The following PRSS50 variants were observed in gnomAD, a reference collection of about 807,000 sequenced individuals.
PRSS50 encodes serine protease 50.
Under a neutral mutation model 34.2 loss-of-function variants are expected in PRSS50, and 23 were observed. The ratio of observed to expected loss-of-function variants is 0.67; its 90% CI spans 0.48 to 0.95. The LOEUF (loss-of-function observed/expected upper bound fraction) is 0.95, where lower values mean the gene tolerates loss of function less well. Ranked by LOEUF, PRSS50 falls within the 40% of genes least tolerant of loss-of-function variation. The pLI, the probability that PRSS50 is intolerant of heterozygous loss-of-function variation, is 0.00. For missense variants in PRSS50, 484 were observed against 513.4 expected, an observed-to-expected ratio of 0.94 and a Z score of 0.55; for synonymous variants, 224 against 211.2, an observed-to-expected ratio of 1.06 and a Z score of -0.53.
At chr3:46,713,214 A>AG (rs1289911294) in intron 4 of PRSS50, 147 bp from the exon 5 acceptor site, 1 of 1,003,944 alleles carries the variant, frequency 1.0e-6, no homozygotes, top group African/African-American at 1.6e-5. Context: ...ATACCCATCT[A>AG]GGGCCCTCAA....
chr3:46,717,380 C>T lies in PRSS50; in HGVS notation c.307+57G>A. On this transcript the variant is annotated intron_variant, in intron 2 of 5. Coordinates refer to ENST00000315170, the MANE Select transcript of PRSS50 (RefSeq NM_013270.5). The surrounding 1 kb of genome is among the most constrained non-coding windows in gnomAD (Gnocchi z 4.5). ...TGCTCCCCTAGCCCCAGCCAAGGTC[C>T]TTAAGACTCCTCTGTCACCCTCCTT... The T allele has an allele frequency of 6.3e-7, 1 of 1,592,786 alleles. No homozygotes were observed. Among genetic ancestry groups the T allele is most frequent in the Non-Finnish European group, 8.6e-7 (1 of 1,162,754 alleles).
intron 4 of PRSS50, among the ~76,000 whole-genome samples, chr3:46,713,967 T>C (rs1700648248): frequency 6.6e-6 from 1 of 152,156 alleles, no homozygotes; most frequent in East Asian, 1.9e-4. Context: ...AAGTTCTGTT[T>C]ACATGCCCTG....
Position 46,712,846 on chromosome 3 carries a change from G to T in PRSS50, c.921+55C>A, listed in dbSNP as rs1700637261. On this transcript the variant is annotated intron_variant, in intron 5 of 5. Coordinates refer to ENST00000315170, the MANE Select transcript of PRSS50 (RefSeq NM_013270.5). ...TCCACCGTTCCGCTCTCCCTCCCCA[G>T]ATGCCTCTCCCCCAGGTGCCCCTGA... The T allele has an allele frequency of 9.8e-6, 14 of 1,424,672 alleles. No homozygotes were observed. The Admixed American group carries it at 1.6e-4, about 17-fold the overall frequency. 88.3% of individuals were successfully genotyped at this position (1,424,672 alleles called of 1,614,324 possible). A position where few individuals can be genotyped will look rare whatever the true frequency, so the allele number is the denominator to read the frequency against.
chr3:46,715,482 C>A lies in PRSS50; in HGVS notation c.470+53G>T. The A allele has an allele frequency of 6.4e-7, 1 of 1,574,636 alleles. No homozygotes were observed. Among genetic ancestry groups the A allele is most frequent in the South Asian group, 1.2e-5 (1 of 86,748 alleles). On this transcript the variant is annotated intron_variant, in intron 3 of 5. Transcript: ENST00000315170. The surrounding 1 kb of genome is among the most constrained non-coding windows in gnomAD (Gnocchi z 5.2). ...AGCTGGCAGGGAGGGGATGACTGGGCCCACAGCAGCTCCAAATACCTCTCC... is the reference window on the plus strand; with the variant it reads ...AGCTGGCAGGGAGGGGATGACTGGGACCACAGCAGCTCCAAATACCTCTCC...
intron 4 of PRSS50, among the ~76,000 whole-genome samples, chr3:46,713,379 C>A (rs1227712715): frequency 6.6e-6 from 1 of 152,214 alleles, no homozygotes; most frequent in African/African-American, 2.4e-5. Context: ...GCCTGCCAAG[C>A]CTTCCTTCTC....
In PRSS50 at chr3:46,717,855, G is replaced by C. The variant is rs1241408649; in HGVS notation, c.-31C>G. 6.9e-7 allele frequency: 1 copy of C among 1,457,720 alleles called. No individual in the cohort carries two copies. Among genetic ancestry groups the C allele is most frequent in the African/African-American group, 1.4e-5 (1 of 69,684 alleles). 90.3% of individuals were successfully genotyped at this position (1,457,720 alleles called of 1,614,324 possible). A position where few individuals can be genotyped will look rare whatever the true frequency, so the allele number is the denominator to read the frequency against. ...GGTGGCAGCCGACTGCGTCTCTCCG[G>C]AAGGCGCTCCCAGTGCCGCCCCCAC... On this transcript the variant is annotated 5_prime_UTR_variant, in exon 1 of 6. Coordinates refer to ENST00000315170, the MANE Select transcript of PRSS50 (RefSeq NM_013270.5). This position sits in a 1 kb window ranked among gnomAD's most constrained non-coding sequence, Gnocchi z 4.5.
rs1700680585 is a variant in PRSS50, at chr3:46,716,074, G to C, written c.308-377C>G. ...CATGTCCCCTACTTCAGCCAAGGCA[G>C]AGCTCTCTCCCTCCTCTGGGAACCC... On this transcript the variant is annotated intron_variant, in intron 2 of 5. Coordinates refer to ENST00000315170, the MANE Select transcript of PRSS50 (RefSeq NM_013270.5). This position sits in a 1 kb window ranked among gnomAD's most constrained non-coding sequence, Gnocchi z 4.4. 6.6e-6 allele frequency among the ~76,000 whole-genome samples: 1 copy of C among 152,160 alleles called. No individual in the cohort carries two copies. Among genetic ancestry groups the C allele is most frequent in the African/African-American group, 2.4e-5 (1 of 41,428 alleles).
chr3:46,714,128 C>T (rs1700649226), intron 4 of PRSS50, 90 bp downstream of exon 4: 1 of 1,499,836 alleles, frequency 6.7e-7, no homozygotes. Flanking sequence ...GGGAAGGTGC[C>T]TCAGAAACAT....
chr3:46,717,783 G>T lies in PRSS50; in HGVS notation c.42C>A (p.Pro14=). 1 of 1,562,722 alleles carries T rather than the reference G, an allele frequency of 6.4e-7. No homozygotes were observed. The highest frequency in any genetic ancestry group is 8.7e-7 in the Non-Finnish European group (1 of 1,155,368). Reference sequence around the variant, plus strand: ...CGGCGCGGGAGGGGGCAGACGTCCGGGGGCGCTGCCCGCGCGCGACGGTCT... The same window carrying T: ...CGGCGCGGGAGGGGGCAGACGTCCGTGGGCGCTGCCCGCGCGCGACGGTCT... The part of the protein sequence containing the change: ...WCQTVARGQR[P]RTSAPSRAGA... Residue 14 remains proline, a synonymous_variant, in exon 1 of 6, where the codon CCC becomes CCA. Coordinates refer to ENST00000315170, the MANE Select transcript of PRSS50 (RefSeq NM_013270.5). This position sits in a 1 kb window ranked among gnomAD's most constrained non-coding sequence, Gnocchi z 4.5.
At position 46,712,964 on chromosome 3, in the gene PRSS50, C is replaced by CCCATCA. The variant is rs1700638731; in HGVS notation, c.857_858insTGATGG (p.Leu286_Val287insAspGly). 2.5e-6 allele frequency: 4 copies of CCCATCA among 1,614,140 alleles called. No individual in the cohort carries two copies. The South Asian group carries it at 4.4e-5, about 18-fold the overall frequency. ...TCATCTGGGACTTGATGATCTGAAC[C>CCCATCA]AGAGTGGGGATTTTGGTGAAGTTGT... On this transcript the variant is annotated inframe_insertion, in exon 5 of 6. Transcript: ENST00000315170.
chr3:46,717,825 C>A lies in PRSS50; in HGVS notation c.-1G>T, dbSNP rs1366029835. ...CGACGGTCTGGCACCAGCGACCCATCCCGGGGTGGCAGCCGACTGCGTCTC... is the reference window on the plus strand; with the variant it reads ...CGACGGTCTGGCACCAGCGACCCATACCGGGGTGGCAGCCGACTGCGTCTC... On this transcript the variant is annotated 5_prime_UTR_variant, in exon 1 of 6. Coordinates refer to ENST00000315170, the MANE Select transcript of PRSS50 (RefSeq NM_013270.5). This position sits in a 1 kb window ranked among gnomAD's most constrained non-coding sequence, Gnocchi z 4.5. 6 of 1,500,726 alleles carry A rather than the reference C, an allele frequency of 4.0e-6. No homozygotes were observed. The highest frequency in any genetic ancestry group is 5.3e-6 in the Non-Finnish European group (6 of 1,126,922). 93.0% of individuals were successfully genotyped at this position (1,500,726 alleles called of 1,614,324 possible).
rs1473395062 is a variant in PRSS50 at position 46,712,775 on chromosome 3, C to G, written c.921+126G>C. On this transcript the variant is annotated intron_variant, in intron 5 of 5. Coordinates refer to ENST00000315170, the MANE Select transcript of PRSS50 (RefSeq NM_013270.5). ...AGTCTCCCCCGACATCCTCCATCCCCATATCCCAGAGTCCTGCCCACCCCC... is the reference window on the plus strand; with the variant it reads ...AGTCTCCCCCGACATCCTCCATCCCGATATCCCAGAGTCCTGCCCACCCCC... 3.8e-5 allele frequency: 42 copies of G among 1,099,394 alleles called. No individual in the cohort carries two copies. In the South Asian group the frequency reaches 5.9e-4, roughly 15 times the overall value. The allele number at this position is 1,099,394 out of a possible 1,614,324, so 68.1% of individuals were successfully genotyped here. A position where few individuals can be genotyped will look rare whatever the true frequency, so the allele number is the denominator to read the frequency against.
chr3:46,715,447 G>A lies in PRSS50; in HGVS notation c.470+88C>T. The A allele has an allele frequency of 6.6e-7, 1 of 1,518,368 alleles. No individual in the cohort carries two copies. 94.1% of individuals were successfully genotyped at this position (1,518,368 alleles called of 1,614,324 possible). On this transcript the variant is annotated intron_variant, in intron 3 of 5. Coordinates refer to ENST00000315170, the MANE Select transcript of PRSS50 (RefSeq NM_013270.5). This position sits in a 1 kb window ranked among gnomAD's most constrained non-coding sequence, Gnocchi z 5.2. ...AGATGAGGCTGGGGCTGGGACTGTG[G>A]GCCCAGAACAGCTGGCAGGGAGGGG...
In PRSS50 at chr3:46,715,925, C is replaced by A. The variant is rs1359837064; in HGVS notation, c.308-228G>T. On this transcript the variant is annotated intron_variant, in intron 2 of 5. Coordinates refer to ENST00000315170, the MANE Select transcript of PRSS50 (RefSeq NM_013270.5). The surrounding 1 kb of genome is among the most constrained non-coding windows in gnomAD (Gnocchi z 5.2). ...CTCTCCCTGTTCCCACAGCCCGGGC[C>A]CTAGAGCATCCCCAGCCGACCAGCC... is the stretch of plus-strand genomic sequence containing the variant. 6.6e-6 allele frequency among the ~76,000 whole-genome samples: 1 copy of A among 152,172 alleles called. No homozygotes were observed. Among genetic ancestry groups the A allele is most frequent in the Non-Finnish European group, 1.5e-5 (1 of 68,024 alleles).
Position 46,717,615 on chromosome 3 carries a change from G to T in PRSS50, c.129C>A (p.Ala43=). The change falls in exon 2 of 6, where the codon GCC becomes GCA. Residue 43 remains alanine, a synonymous_variant. Coordinates refer to ENST00000315170, the MANE Select transcript of PRSS50 (RefSeq NM_013270.5). The surrounding 1 kb of genome is among the most constrained non-coding windows in gnomAD (Gnocchi z 4.5). ...GATCAGCAGTGGACAGCGCCCCCGG[G>T]GCTTCCCCTGCGCCCCAGCAACCTG... is the stretch of plus-strand genomic sequence containing the variant. ...RSAGCWGAGE[A]PGALSTADPA... 1 of 1,613,174 alleles carries T rather than the reference G, an allele frequency of 6.2e-7. No individual in the cohort carries two copies. The highest frequency in any genetic ancestry group is 8.5e-7 in the Non-Finnish European group (1 of 1,179,712).
intron 4 of PRSS50, 122 bp from the exon 5 acceptor site, chr3:46,713,189 C>T: frequency 8.1e-7 from 1 of 1,237,326 alleles, no homozygotes; most frequent in Non-Finnish European, 1.1e-6. Flanking sequence ...CACACCTCTG[C>T]CCTCGTTCTA....
chr3:46,714,099 G>A (rs979566226), intron 4 of PRSS50, 119 bp downstream of exon 4: 48 of 1,331,180 alleles, frequency 3.6e-5, no homozygotes, highest in African/African-American at 1.8e-4. Flanking sequence ...GGAAGGTCCC[G>A]GGAGCGGCAG....
chr3:46,712,843 C>A, intron 5 of PRSS50, 58 bp downstream of exon 5: 2 of 1,584,546 alleles, frequency 1.3e-6, no homozygotes, highest in South Asian at 1.1e-5. Flanking sequence ...CTCTCCCTCC[C>A]CAGATGCCTC....
Position 46,714,120 on chromosome 3 carries a change from G to T in PRSS50, c.754+98C>A. 2.7e-6 allele frequency: 4 copies of T among 1,460,468 alleles called. No homozygotes were observed. In the South Asian group the frequency reaches 4.0e-5, roughly 15 times the overall value. The allele number at this position is 1,460,468 out of a possible 1,614,324, so 90.5% of individuals were successfully genotyped here. On this transcript the variant is annotated intron_variant, in intron 4 of 5. Coordinates refer to ENST00000315170, the MANE Select transcript of PRSS50 (RefSeq NM_013270.5). Reference sequence around the variant, plus strand: ...TCCCGGGAGCGGCAGGCTCCCTGGGGAAGGTGCCTCAGAAACATCCATCTG... The same window carrying T: ...TCCCGGGAGCGGCAGGCTCCCTGGGTAAGGTGCCTCAGAAACATCCATCTG...
Sources: allele counts gnomAD v4.1 joint callset (sites outside exome capture counted in the v4.1 genomes callset), GRCh38; gene constraint gnomAD v4.1.1; non-coding constraint Gnocchi (gnomAD v3.1); transcripts MANE v1.5; gene names NCBI Gene and HGNC (gene_info 2026-07-23, HGNC 2026-07-21).